PCYT2: variants seen among roughly 807,000 people sequenced by gnomAD.
The protein encoded by PCYT2 is ethanolamine-phosphate cytidylyltransferase.
A neutral mutation model predicts 50.0 loss-of-function variants in PCYT2; 33 were observed. The observed-to-expected ratio is 0.66, with a 90% CI of 0.50 to 0.88. The LOEUF is 0.88. PCYT2 is among the 40% of genes least tolerant of loss of function. The pLI is 0.00. For synonymous variants in PCYT2, 240 were observed against 203.7 expected (o/e 1.18, Z -1.52); for missense variants, 430 against 519.7 (o/e 0.83, Z 1.68).
intron 9 of PCYT2, 104 bp downstream of exon 9, chr17:81,905,996 C>A (rs1307107765): frequency 2.9e-6 from 3 of 1,029,298 alleles, no homozygotes; most frequent in Non-Finnish European, 4.3e-6. Flanking sequence ...TGCAGCTCTG[C>A]CAGTGACCCA....
chr17:81,904,045 CCTTATTCTAG>C lies in PCYT2; in HGVS notation c.*778_*787del, dbSNP rs1184553978. ...AAGGAGCCTCAGCTCTGGCTCTCCT[CCTTATTCTAG>C]CATCGCCTGCTACAGGGGGTGGCCC... On this transcript the variant is annotated 3_prime_UTR_variant, in exon 13 of 13. Coordinates refer to ENST00000538936, the MANE Select transcript of PCYT2 (RefSeq NM_002861.5). The C allele has an allele frequency of 6.6e-6, 1 of 152,268 alleles. No individual in the cohort carries two copies. Among genetic ancestry groups the C allele is most frequent in the African/African-American group, 2.4e-5 (1 of 41,468 alleles). 9.4% of individuals were successfully genotyped at this position (152,268 alleles called of 1,614,324 possible).
At chr17:81,906,648 G>T in intron 7 of PCYT2, 102 bp from the exon 8 acceptor site, 1 of 1,570,626 alleles carries the variant, frequency 6.4e-7, no homozygotes, top group Non-Finnish European at 8.7e-7. Context: ...GCTGACAGCT[G>T]CTCCCCTGCA....
intron 3 of PCYT2, 34 bp downstream of exon 3, chr17:81,908,841 TC>T: frequency 6.4e-7 from 1 of 1,572,808 alleles, no homozygotes; most frequent in Non-Finnish European, 8.7e-7. Flanking sequence ...CCACCTGATG[TC>T]CCCAGGCCCC....
intron 6 of PCYT2, chr17:81,907,112 C>A (rs547799895): frequency 5.7e-5 from 69 of 1,206,324 alleles, no homozygotes; most frequent in Non-Finnish European, 7.5e-5. Flanking sequence ...TTCAGCCCAG[C>A]AAGCGACCAC....
At chr17:81,911,075 C>G (rs2040575299) in intron 1 of PCYT2, 192 bp downstream of exon 1, 1 of 1,002,070 alleles carries the variant, frequency 1.0e-6, no homozygotes, top group Non-Finnish European at 1.2e-6. Flanking sequence ...ACGGGGTCGC[C>G]CACGGCAGGG....
rs148949193 is a variant in PCYT2 at position 81,908,860 on chromosome 17, C to T, written c.340+16G>A. 0.011 allele frequency: 18,029 copies of T among 1,609,580 alleles called. 165 individuals are homozygous for T. Among genetic ancestry groups the T allele is most frequent in the Non-Finnish European group, 0.011 (13,163 of 1,177,140 alleles). On this transcript the variant is annotated intron_variant, in intron 3 of 12. Coordinates refer to ENST00000538936, the MANE Select transcript of PCYT2 (RefSeq NM_002861.5). The stretch of plus-strand genomic sequence containing the variant: ...CTGATGTCCCCAGGCCCCCAGGTCC[C>T]AGCCCCGCCACTCACTGCCGTGAAC...
At chr17:81,905,516 C>T (rs1004847303) in intron 10 of PCYT2, 69 bp from the exon 11 acceptor site, 7 of 1,490,422 alleles carry the variant, frequency 4.7e-6, no homozygotes, top group Admixed American at 1.9e-5. Flanking sequence ...CAGCCCAGCA[C>T]AGGCCCCGGG....
At position 81,902,718 on chromosome 17, in the gene PCYT2, C is replaced by T. The variant is rs779658771; in HGVS notation, c.*2115G>A. 10 of 1,608,402 alleles carry T rather than the reference C, an allele frequency of 6.2e-6. No homozygotes were observed. Among genetic ancestry groups the T allele is most frequent in the South Asian group, 2.2e-5 (2 of 90,530 alleles). Reference sequence around the variant, plus strand: ...AGTGCAAGGCGAACGTCTTCCTGTCCCTGCGCGCAGCCGACTGCCTCGCCG... The same window carrying T: ...AGTGCAAGGCGAACGTCTTCCTGTCTCTGCGCGCAGCCGACTGCCTCGCCG... On this transcript the variant is annotated 3_prime_UTR_variant, in exon 13 of 13. Coordinates refer to ENST00000538936, the MANE Select transcript of PCYT2 (RefSeq NM_002861.5).
At position 81,902,461 on chromosome 17, in the gene PCYT2, G is replaced by A; in HGVS notation, c.*2372C>T. ...GCGGCGCTCCCAGCCCTACAGAGGG[G>A]CGGAACCCCCGGGCGGGGCCGGCGC... On this transcript the variant is annotated 3_prime_UTR_variant, in exon 13 of 13. Coordinates refer to ENST00000538936, the MANE Select transcript of PCYT2 (RefSeq NM_002861.5). The A allele has an allele frequency of 7.2e-7, 1 of 1,388,254 alleles. No individual in the cohort carries two copies. The highest frequency in any genetic ancestry group is 9.3e-7 in the Non-Finnish European group (1 of 1,080,498). 86.0% of individuals were successfully genotyped at this position (1,388,254 alleles called of 1,614,324 possible). A position where few individuals can be genotyped will look rare whatever the true frequency, so the allele number is the denominator to read the frequency against.
Position 81,911,248 on chromosome 17 carries a change from G to A in PCYT2, c.89+19C>T. The A allele has an allele frequency of 1.9e-6, 2 of 1,030,838 alleles. No individual in the cohort carries two copies. Among genetic ancestry groups the A allele is most frequent in the Non-Finnish European group, 2.3e-6 (2 of 863,462 alleles). The allele number at this position is 1,030,838 out of a possible 1,614,324, so 63.9% of individuals were successfully genotyped here. On this transcript the variant is annotated intron_variant, in intron 1 of 12. Coordinates refer to ENST00000538936, the MANE Select transcript of PCYT2 (RefSeq NM_002861.5). ...GCCGGCCCCGGCGCCCCCGCGGCCC[G>A]CCCCGGCCCCGCGCTCACCAGCCAT...
chr17:81,902,872 T>G lies in PCYT2; in HGVS notation c.*1961A>C. ...CCTACTCCGCTCACCCCGCAGTTAA[T>G]GGCAAACGAATAAATAAATGAGGCG... On this transcript the variant is annotated 3_prime_UTR_variant, in exon 13 of 13. Transcript: ENST00000538936. 1 of 820,690 alleles carries G rather than the reference T, an allele frequency of 1.2e-6. No individual in the cohort carries two copies. The highest frequency in any genetic ancestry group is 2.0e-5 in the South Asian group (1 of 48,964). 50.8% of individuals were successfully genotyped at this position (820,690 alleles called of 1,614,324 possible).
In PCYT2 at chr17:81,906,821, A is replaced by G; in HGVS notation, c.615T>C (p.Ser205=). ...TCTCCCCTGGCTGGGGCTCCTTCCC[A>G]GAAGCAAACTGGATGATCTTCTGAG... ...QTSQKIIQFA[S]GKEPQPGETV... is the part of the protein sequence containing the mutation. Residue 205 remains serine (S), a synonymous_variant, in exon 7 of 13, where the codon TCT becomes TCC. Transcript: ENST00000538936. 1 of 1,613,546 alleles carries G rather than the reference A, an allele frequency of 6.2e-7. No individual in the cohort carries two copies.
At chr17:81,911,183 C>T (rs528708638) in intron 1 of PCYT2, 84 bp downstream of exon 1, 2 of 1,014,564 alleles carry the variant, frequency 2.0e-6, no homozygotes, top group Non-Finnish European at 2.4e-6. Flanking sequence ...AACGCGGGCC[C>T]GGTCCCCGGG....
Position 81,907,618 on chromosome 17 carries a change from A to G in PCYT2, c.493-20T>C. ...CATCTCCTGCACAGAAGGTCAGAGC[A>G]GGGCTGAGGGGCCTGCCCTCCCGGC... On this transcript the variant is annotated intron_variant, in intron 5 of 12. Transcript: ENST00000538936. The G allele has an allele frequency of 1.2e-6, 2 of 1,610,718 alleles. No individual in the cohort carries two copies. The highest frequency in any genetic ancestry group is 8.5e-7 in the Non-Finnish European group (1 of 1,178,934).
In PCYT2 at chr17:81,901,331, G is replaced by T. The variant is rs1159556706; in HGVS notation, c.*3502C>A. 1 of 152,236 alleles carries T rather than the reference G, an allele frequency of 6.6e-6. No individual in the cohort carries two copies. The highest frequency in any genetic ancestry group is 1.5e-5 in the Non-Finnish European group (1 of 68,080). The allele number at this position is 152,236 out of a possible 1,614,324, so 9.4% of individuals were successfully genotyped here. A position where few individuals can be genotyped will look rare whatever the true frequency, so the allele number is the denominator to read the frequency against. On this transcript the variant is annotated 3_prime_UTR_variant, in exon 13 of 13. Coordinates refer to ENST00000538936, the MANE Select transcript of PCYT2 (RefSeq NM_002861.5). ...TGGTGCCCACCTGGATTGAGGGTGG[G>T]TCTGCCTCTCCCAGCCCACTGACTC...
intron 2 of PCYT2, 109 bp from the exon 3 acceptor site, chr17:81,909,146 C>A: frequency 1.3e-6 from 2 of 1,516,402 alleles, no homozygotes; most frequent in South Asian, 1.3e-5. Flanking sequence ...CCGGTGGGGG[C>A]AGGCTGTCTC....
intron 1 of PCYT2, among the ~76,000 whole-genome samples, chr17:81,910,305 C>G (rs535129297): frequency 6.6e-6 from 1 of 152,342 alleles, no homozygotes; most frequent in East Asian, 1.9e-4. Flanking sequence ...AGCAGCGGCC[C>G]ATCCCCTCAA....
rs1285008569 is a variant in PCYT2 at position 81,902,044 on chromosome 17, G to A, written c.*2789C>T. On this transcript the variant is annotated 3_prime_UTR_variant, in exon 13 of 13. Transcript: ENST00000538936. ...GGTGGGGAGCTTGAGGGGGCGTTGGGCTCCCACCAAGCGCCAGATCCTTGC... is the reference window on the plus strand; with the variant it reads ...GGTGGGGAGCTTGAGGGGGCGTTGGACTCCCACCAAGCGCCAGATCCTTGC... 1.4e-5 allele frequency: 4 copies of A among 285,126 alleles called. No individual in the cohort carries two copies. The Admixed American group carries it at 1.6e-4, about 11-fold the overall frequency. 17.7% of individuals were successfully genotyped at this position (285,126 alleles called of 1,614,324 possible). A position where few individuals can be genotyped will look rare whatever the true frequency, so the allele number is the denominator to read the frequency against.
Position 81,903,090 on chromosome 17 carries a change from T to G in PCYT2, c.*1743A>C. On this transcript the variant is annotated 3_prime_UTR_variant, in exon 13 of 13. Coordinates refer to ENST00000538936, the MANE Select transcript of PCYT2 (RefSeq NM_002861.5). ...CCCAGCCCCGCGGTGAAGCCGCGCC[T>G]AGCCTTGGTGCTCCCTGGGGGAAGT... 9.9e-6 allele frequency: 3 copies of G among 301,950 alleles called. No individual in the cohort carries two copies. The highest frequency in any genetic ancestry group is 6.1e-6 in the Non-Finnish European group (1 of 163,764). 18.7% of individuals were successfully genotyped at this position (301,950 alleles called of 1,614,324 possible). A position where few individuals can be genotyped will look rare whatever the true frequency, so the allele number is the denominator to read the frequency against.
Sources: gnomAD v4.1 joint callset for allele counts (sites outside exome capture counted in the v4.1 genomes callset) on GRCh38, gnomAD v4.1.1 for gene constraint, MANE v1.5 for transcripts, NCBI Gene and HGNC (gene_info 2026-07-23, HGNC 2026-07-21) for gene names.